Variants in LSM2 observed in about 807,000 individuals in gnomAD.
LSM2 encodes U6 snRNA-associated Sm-like protein LSm2.
In LSM2, 12 loss-of-function variants were observed where a neutral mutation model predicts 17.0. The ratio of observed to expected loss-of-function variants is 0.70; its 90% CI spans 0.45 to 1.14. LSM2 has a LOEUF of 1.14. Ranked by LOEUF, LSM2 falls within the 50% of genes most tolerant of loss-of-function variation. The pLI is 0.00. For missense variants in LSM2, 62 were observed against 111.8 expected (o/e 0.55, Z 2.01); for synonymous variants, 42 against 44.5 (o/e 0.94, Z 0.22).
intron 1 of LSM2, 23 bp downstream of exon 1, chr6:31,806,732 C>T: frequency 1.2e-6 from 2 of 1,609,714 alleles, no homozygotes; most frequent in East Asian, 2.2e-5. Flanking sequence ...GAGGGCGCCC[C>T]CTTTTGACGT....
At chr6:31,803,633 T>C (rs1814841897) in intron 2 of LSM2, among the ~76,000 whole-genome samples, 1 of 150,278 alleles carries the variant, frequency 6.7e-6, no homozygotes. Context: ...CAGGCTGGAG[T>C]GCAGTGGCCT....
chr6:31,801,764 C>G (rs1194021647), intron 2 of LSM2, among the ~76,000 whole-genome samples: 9 of 152,124 alleles, frequency 5.9e-5, no homozygotes. Flanking sequence ...CCACCGCACT[C>G]CAGCCAGGGC....
At chr6:31,805,579 G>C (rs1433853490) in intron 2 of LSM2, among the ~76,000 whole-genome samples, 1 of 151,722 alleles carries the variant, frequency 6.6e-6, no homozygotes, top group Non-Finnish European at 1.5e-5. Context: ...TGACCGGGCT[G>C]GTCTTGAACT....
chr6:31,804,115 C>A (rs1310747099), intron 2 of LSM2, among the ~76,000 whole-genome samples: 1 of 152,112 alleles, frequency 6.6e-6, no homozygotes, highest in Middle Eastern at 3.2e-3. Context: ...GTAATCCCAA[C>A]ACTTTGAGAG....
chr6:31,806,044 C>T (rs2242668), intron 2 of LSM2, 31 bp downstream of exon 2: 126,587 of 1,599,412 alleles, frequency 0.079, 6,790 homozygotes, highest in African/African-American at 0.19. Flanking sequence ...GCACACCCAC[C>T]CCCAACAGAC....
In LSM2 at chr6:31,797,811, G is replaced by A. The variant is rs1426189501; in HGVS notation, c.234C>T (p.Asp78=). ...RYVQLPADEV[D]TQLLQDAARK... is the part of the protein sequence containing the mutation. ...TTGCCGCATCCTGTAGCAACTGTGT[G>A]TCGACCTCATCTGCTGGCAGCTGCA... The change falls in exon 5 of 5, where the codon GAC becomes GAT. Residue 78 remains aspartate (D), a synonymous_variant. Transcript: ENST00000375661. The A allele has an allele frequency of 1.2e-6, 2 of 1,612,938 alleles. No homozygotes were observed. The highest frequency in any genetic ancestry group is 1.7e-6 in the Non-Finnish European group (2 of 1,180,038).
chr6:31,801,161 G>C (rs1814677458), intron 2 of LSM2, among the ~76,000 whole-genome samples: 1 of 112,128 alleles, frequency 8.9e-6, no homozygotes. Flanking sequence ...ACAGAGTAAG[G>C]ATCTGTCTCA....
At chr6:31,797,953 TAG>T (rs1366669978) in intron 4 of LSM2, 35 bp downstream of exon 4, 1 of 1,610,966 alleles carries the variant, frequency 6.2e-7, no homozygotes, top group Non-Finnish European at 8.5e-7. Flanking sequence ...CCTCCTGCTT[TAG>T]AGGTGTTTCC....
intron 1 of LSM2, 76 bp downstream of exon 1, chr6:31,806,679 G>T (rs1047402871): frequency 2.6e-6 from 4 of 1,568,630 alleles, no homozygotes; most frequent in African/African-American, 1.3e-5. Context: ...CCAGCCTAGG[G>T]GTACAAAGGC....
intron 2 of LSM2, among the ~76,000 whole-genome samples, chr6:31,805,673 G>A (rs955769009): frequency 4.0e-5 from 6 of 151,438 alleles, no homozygotes; most frequent in African/African-American, 1.5e-4. Context: ...GTGAGCCACT[G>A]CGCCTGACCT....
chr6:31,801,970 CTA>C (rs1392650447), intron 2 of LSM2, among the ~76,000 whole-genome samples: 2 of 151,738 alleles, frequency 1.3e-5, no homozygotes, highest in Non-Finnish European at 2.9e-5. Context: ...GACTCTGTCT[CTA>C]TGAAAAATTT....
Position 31,797,820 on chromosome 6 carries a change from A to G in LSM2, c.225T>C (p.Asp75=). Residue 75 remains aspartate, a synonymous_variant, in exon 5 of 5, where the codon GAT becomes GAC. Coordinates refer to ENST00000375661, the MANE Select transcript of LSM2 (RefSeq NM_021177.5). The part of the protein sequence containing the change: ...SVVRYVQLPA[D]EVDTQLLQDA... ...CCTGTAGCAACTGTGTGTCGACCTCATCTGCTGGCAGCTGCACGTATCGGA... is the reference window on the plus strand; with the variant it reads ...CCTGTAGCAACTGTGTGTCGACCTCGTCTGCTGGCAGCTGCACGTATCGGA... 1 of 1,613,040 alleles carries G rather than the reference A, an allele frequency of 6.2e-7. No individual in the cohort carries two copies. The highest frequency in any genetic ancestry group is 8.5e-7 in the Non-Finnish European group (1 of 1,180,030).
In LSM2 at chr6:31,797,981, C is replaced by G; in HGVS notation, c.162+9G>C. ...AGGTGTTTCCTCTTCTCCACAGACC[C>G]CAACTCACCATGTGAGGGTATTTCT... On this transcript the variant is annotated intron_variant, in intron 4 of 4. Coordinates refer to ENST00000375661, the MANE Select transcript of LSM2 (RefSeq NM_021177.5). 6.2e-7 allele frequency: 1 copy of G among 1,608,598 alleles called. No homozygotes were observed. Among genetic ancestry groups the G allele is most frequent in the Non-Finnish European group, 8.5e-7 (1 of 1,177,726 alleles).
intron 2 of LSM2, among the ~76,000 whole-genome samples, chr6:31,800,608 C>A (rs2151445675): frequency 6.6e-6 from 1 of 152,168 alleles, no homozygotes; most frequent in African/African-American, 2.4e-5. Context: ...CAAAAATTGG[C>A]CGGGCGTGGT....
chr6:31,801,041 C>T (rs1481139399), intron 2 of LSM2, among the ~76,000 whole-genome samples: 1 of 151,272 alleles, frequency 6.6e-6, no homozygotes, highest in African/African-American at 2.4e-5. Flanking sequence ...GTGTGTGGTG[C>T]ATGCCTGTAG....
intron 2 of LSM2, among the ~76,000 whole-genome samples, chr6:31,798,975 A>AT (rs1474291347): frequency 4.0e-5 from 6 of 151,876 alleles, no homozygotes; most frequent in Non-Finnish European, 7.4e-5. Flanking sequence ...ATCTCAGGCG[A>AT]TCTGCCCACT....
intron 2 of LSM2, among the ~76,000 whole-genome samples, chr6:31,800,285 G>A (rs1396011660): frequency 3.9e-5 from 6 of 152,064 alleles, no homozygotes; most frequent in African/African-American, 1.4e-4. Flanking sequence ...GTAGTGAGGC[G>A]AGATCGAGCC....
intron 2 of LSM2, among the ~76,000 whole-genome samples, chr6:31,799,020 A>C (rs1383234563): frequency 1.3e-5 from 2 of 151,784 alleles, no homozygotes; most frequent in Non-Finnish European, 2.9e-5. Context: ...ACAGGTGTGA[A>C]CCACTGTCCC....
At position 31,798,061 on chromosome 6, in the gene LSM2, A is replaced by G; in HGVS notation, c.103-12T>C. 6.3e-7 allele frequency: 1 copy of G among 1,575,786 alleles called. No homozygotes were observed. Among genetic ancestry groups the G allele is most frequent in the Non-Finnish European group, 8.6e-7 (1 of 1,166,558 alleles). Reference sequence around the variant, plus strand: ...TTGATGTTGAGATACTAGGAAAGGAAGATGAACACCATTATTATTATTATT... The same window carrying G: ...TTGATGTTGAGATACTAGGAAAGGAGGATGAACACCATTATTATTATTATT... On this transcript the variant is annotated splice_polypyrimidine_tract_variant and intron_variant, in intron 3 of 4. Coordinates refer to ENST00000375661, the MANE Select transcript of LSM2 (RefSeq NM_021177.5).
Sources: allele counts gnomAD v4.1 joint callset (sites outside exome capture counted in the v4.1 genomes callset), GRCh38; gene constraint gnomAD v4.1.1; transcripts MANE v1.5; gene names NCBI Gene and HGNC (gene_info 2026-07-23, HGNC 2026-07-21).